The following CDH23 variants were observed in gnomAD, a reference collection of about 807,000 sequenced individuals.
CDH23 encodes the protein cadherin related 23, also known as cadherin-23.
In CDH23, 189 loss-of-function variants were observed where a neutral mutation model predicts 317.1. The observed-to-expected ratio is 0.60, with a 90% CI of 0.53 to 0.67. The LOEUF is 0.67. Among genes scored for constraint, CDH23 ranks in the 30% least tolerant of loss-of-function variants. The pLI is 0.00. For synonymous variants in CDH23, 1,839 were observed against 1,876.8 expected (o/e 0.98, Z 0.52); for missense variants, 4,401 against 4,592.4 (o/e 0.96, Z 1.20).
chr10:71,571,753 G>A (rs908734060), intron 8 of CDH23, among the ~76,000 whole-genome samples: 1 of 152,226 alleles, frequency 6.6e-6, no homozygotes, highest in Non-Finnish European at 1.5e-5. Flanking sequence ...CAGCGTTTGG[G>A]GAAAGAAAAA....
chr10:71,805,319 C>T (rs1476712215), intron 55 of CDH23, among the ~76,000 whole-genome samples: 1 of 152,202 alleles, frequency 6.6e-6, no homozygotes, highest in East Asian at 1.9e-4. Flanking sequence ...CACCATGTCA[C>T]CCTGCCTGTG....
Position 71,428,141 on chromosome 10 carries a change from T to TTC in CDH23, c.-5-11685_-5-11684insCT, listed in dbSNP as rs1554823440. Among the ~76,000 whole-genome samples the TTC allele has an allele frequency of 8.8e-3, 506 of 57,776 alleles. 5 individuals carry two copies. Among genetic ancestry groups the TTC allele is most frequent in the Admixed American group, 0.04 (270 of 6,778 alleles). The allele number at this position is 57,776 out of a possible 152,430, so 37.9% of individuals were successfully genotyped here. A position where few individuals can be genotyped will look rare whatever the true frequency, so the allele number is the denominator to read the frequency against. The stretch of plus-strand genomic sequence containing the variant: ...CACCAACACTTGTTTCTTTCTTTCT[T>TTC]TTTTTTTTTTTTTTTTGAAACAGAG... On this transcript the variant is annotated intron_variant, in intron 1 of 69. Transcript: ENST00000224721.
At chr10:71,762,324 A>G (rs566140909) in intron 38 of CDH23, among the ~76,000 whole-genome samples, 4 of 152,338 alleles carry the variant, frequency 2.6e-5, no homozygotes, top group African/African-American at 7.2e-5. Context: ...AGTAGAGTAT[A>G]TGCAAAACCT....
intron 3 of CDH23, 53 bp from the exon 4 acceptor site, chr10:71,510,029 C>T: frequency 1.9e-6 from 3 of 1,610,108 alleles, no homozygotes; most frequent in African/African-American, 2.7e-5. Context: ...GGTAGGAAGG[C>T]ATAAACGTGA....
intron 44 of CDH23, 63 bp downstream of exon 44, chr10:71,785,801 A>T: frequency 3.1e-6 from 3 of 980,840 alleles, no homozygotes; most frequent in Non-Finnish European, 4.8e-6. Flanking sequence ...GAGAGAACAC[A>T]TCACCCCTCC....
At chr10:71,678,536 G>A (rs1487054624) in intron 16 of CDH23, among the ~76,000 whole-genome samples, 1 of 152,210 alleles carries the variant, frequency 6.6e-6, no homozygotes, top group African/African-American at 2.4e-5. Flanking sequence ...AGCAGGTAGG[G>A]ATGAAGGCAA....
At chr10:71,549,417 G>T (rs1222239370) in intron 6 of CDH23, among the ~76,000 whole-genome samples, 3 of 152,222 alleles carry the variant, frequency 2.0e-5, no homozygotes, top group Non-Finnish European at 4.4e-5. Context: ...CCAGAGAGGG[G>T]TCATCTACTG....
chr10:71,700,158 G>A (rs1344964697), intron 22 of CDH23, among the ~76,000 whole-genome samples: 2 of 152,160 alleles, frequency 1.3e-5, no homozygotes, highest in African/African-American at 2.4e-5. Flanking sequence ...AGGCCGAGGC[G>A]GGAGGATCAC....
At chr10:71,490,151 C>T (rs990001853) in intron 3 of CDH23, among the ~76,000 whole-genome samples, 1 of 152,070 alleles carries the variant, frequency 6.6e-6, no homozygotes, top group African/African-American at 2.4e-5. Context: ...TGTAAATGAC[C>T]CAGCCTCTCT....
chr10:71,797,672 A>G lies in CDH23; in HGVS notation c.6829+452A>G, dbSNP rs200771445. Among the ~76,000 whole-genome samples the G allele has an allele frequency of 1.1e-4, 17 of 152,300 alleles. No individual in the cohort carries two copies. In the East Asian group the frequency reaches 3.3e-3, roughly 29 times the overall value. ...GGGGAGGTAACCTGAGGCCACAGAC[A>G]CTGCTTTGGGGGTGCAGGCACTTAC... On this transcript the variant is annotated intron_variant, in intron 49 of 69. Coordinates refer to ENST00000224721, the MANE Select transcript of CDH23 (RefSeq NM_022124.6).
At chr10:71,649,773 A>T (rs1194735242) in intron 14 of CDH23, among the ~76,000 whole-genome samples, 7 of 152,230 alleles carry the variant, frequency 4.6e-5, no homozygotes, top group Admixed American at 3.9e-4. Context: ...AAAATGTTGT[A>T]TGCAAATGAA....
At chr10:71,643,528 G>C (rs962483500) in intron 11 of CDH23, among the ~76,000 whole-genome samples, 6 of 151,604 alleles carry the variant, frequency 4.0e-5, no homozygotes, top group Non-Finnish European at 4.4e-5. Context: ...CTGGGTGAGA[G>C]TGGACAGAGA....
At chr10:71,577,784 G>A (rs1324304907) in intron 8 of CDH23, 130 bp from the exon 9 acceptor site, 2 of 726,082 alleles carry the variant, frequency 2.8e-6, no homozygotes, top group East Asian at 2.7e-5. Context: ...TGAGCCCTTG[G>A]CATCTACTTC....
intron 19 of CDH23, among the ~76,000 whole-genome samples, chr10:71,689,066 G>C (rs372822434): frequency 7.4e-3 from 927 of 125,624 alleles, no homozygotes; most frequent in South Asian, 9.7e-3. Flanking sequence ...GTGGAGCCAG[G>C]GGTGGTGGAG....
intron 38 of CDH23, chr10:71,773,514 C>G (rs1280863445): frequency 4.2e-6 from 6 of 1,430,434 alleles, no homozygotes; most frequent in African/African-American, 1.4e-5. Context: ...GGAAGCCTCC[C>G]GCGACTGAGT....
chr10:71,760,703 C>A, intron 38 of CDH23: 1 of 668,950 alleles, frequency 1.5e-6, no homozygotes, highest in South Asian at 1.7e-5. Flanking sequence ...CTGGGGATTG[C>A]ACCAAGGAGG....
At chr10:71,445,132 G>A (rs145362858) in intron 2 of CDH23, among the ~76,000 whole-genome samples, 9 of 152,340 alleles carry the variant, frequency 5.9e-5, no homozygotes, top group Non-Finnish European at 1.3e-4. Flanking sequence ...AACAGCACGA[G>A]CTTTGGGGTC....
At chr10:71,589,426 T>C (rs1859314482) in intron 9 of CDH23, among the ~76,000 whole-genome samples, 1 of 152,144 alleles carries the variant, frequency 6.6e-6, no homozygotes, top group South Asian at 2.1e-4. Flanking sequence ...CCTAAAGCAA[T>C]TTTTTTAAAA....
chr10:71,435,444 A>G (rs1268208560), intron 1 of CDH23, among the ~76,000 whole-genome samples: 1 of 152,204 alleles, frequency 6.6e-6, no homozygotes, highest in Non-Finnish European at 1.5e-5. Flanking sequence ...TGTGCCTGGC[A>G]CAAAGTTTGG....
Sources: gnomAD v4.1 joint callset for allele counts (sites outside exome capture counted in the v4.1 genomes callset) on GRCh38, gnomAD v4.1.1 for gene constraint, MANE v1.5 for transcripts, NCBI Gene and HGNC (gene_info 2026-07-23, HGNC 2026-07-21) for gene names.